The following ZNG1A variants were observed in gnomAD, a reference collection of about 807,000 sequenced individuals.
The protein encoded by ZNG1A is zinc-regulated GTPase metalloprotein activator 1A.
the ZNG1A span, chr9:177,942 T>C: frequency 2.3e-6 from 3 of 1,332,036 alleles, no homozygotes; most frequent in Non-Finnish European, 3.1e-6. Context: ...TATTTTTACA[T>C]AAAAGGTCAC....
the ZNG1A span, among the ~76,000 whole-genome samples, chr9:177,383 A>C: frequency 1.3e-5 from 2 of 152,068 alleles, no homozygotes; most frequent in African/African-American, 4.8e-5. Context: ...AGAGTATTCC[A>C]AATGGTTGGG....
chr9:176,303 CT>C, the ZNG1A span, among the ~76,000 whole-genome samples: 31 of 141,472 alleles, frequency 2.2e-4, no homozygotes, highest in Middle Eastern at 3.4e-3. Context: ...AAAAAATAGT[CT>C]TGTGAACCGT....
chr9:149,678 A>G, the ZNG1A span, among the ~76,000 whole-genome samples: 2 of 150,338 alleles, frequency 1.3e-5, no homozygotes, highest in Non-Finnish European at 2.9e-5. Context: ...TTTTTGCCTT[A>G]TCCATTGCTT....
At chr9:143,770 T>C in the ZNG1A span, among the ~76,000 whole-genome samples, 2 of 112,874 alleles carry the variant, frequency 1.8e-5, no homozygotes, top group African/African-American at 3.9e-5. Context: ...TGTTTGCAGA[T>C]GACATGATTG....
At chr9:125,257 A>T in the ZNG1A span, among the ~76,000 whole-genome samples, 1 of 150,694 alleles carries the variant, frequency 6.6e-6, no homozygotes, top group African/African-American at 2.5e-5. Flanking sequence ...TTCTTGCAGA[A>T]GTAAGGTGGT....
At chr9:173,628 G>C in the ZNG1A span, among the ~76,000 whole-genome samples, 25 of 151,900 alleles carry the variant, frequency 1.6e-4, no homozygotes, top group African/African-American at 5.8e-4. Context: ...CCTCTTACTT[G>C]GCCACCCCCA....
the ZNG1A span, among the ~76,000 whole-genome samples, chr9:178,411 G>A: frequency 6.7e-6 from 1 of 148,524 alleles, no homozygotes; most frequent in Non-Finnish European, 1.5e-5. Context: ...TTTTACAGAC[G>A]GGACATCCTT....
the ZNG1A span, among the ~76,000 whole-genome samples, chr9:168,466 C>T: frequency 6.6e-6 from 1 of 150,972 alleles, no homozygotes. Context: ...GTTGGCCAGG[C>T]TGGTCTTGAA....
At chr9:152,445 G>A in the ZNG1A span, among the ~76,000 whole-genome samples, 1 of 151,932 alleles carries the variant, frequency 6.6e-6, no homozygotes, top group African/African-American at 2.4e-5. Flanking sequence ...AAATTTTTAC[G>A]GTGGTCACTT....
At chr9:157,673 C>A in the ZNG1A span, among the ~76,000 whole-genome samples, 14 of 149,744 alleles carry the variant, frequency 9.3e-5, no homozygotes, top group East Asian at 2.5e-3. Context: ...ATTGAACACA[C>A]ACCCATCAAG....
chr9:174,102 G>A, the ZNG1A span, among the ~76,000 whole-genome samples: 9 of 149,382 alleles, frequency 6.0e-5, no homozygotes, highest in African/African-American at 2.2e-4. Context: ...ACCCGAGACT[G>A]CGCCACTGCA....
the ZNG1A span, among the ~76,000 whole-genome samples, chr9:124,888 C>G: frequency 6.6e-6 from 1 of 150,940 alleles, no homozygotes; most frequent in Admixed American, 6.6e-5. Flanking sequence ...CATTAATTCA[C>G]TCCTTTTTAT....
At chr9:125,431 A>C in the ZNG1A span, among the ~76,000 whole-genome samples, 1 of 146,492 alleles carries the variant, frequency 6.8e-6, no homozygotes, top group African/African-American at 2.5e-5. Flanking sequence ...GTTGGAGTTC[A>C]TTGTAGATTC....
the ZNG1A span, among the ~76,000 whole-genome samples, chr9:128,725 G>A: frequency 6.9e-6 from 1 of 144,850 alleles, no homozygotes; most frequent in South Asian, 2.1e-4. Flanking sequence ...TGAGCTAGTG[G>A]GATTTTTTGG....
chr9:163,194 T>A, the ZNG1A span, among the ~76,000 whole-genome samples: 1 of 152,212 alleles, frequency 6.6e-6, no homozygotes, highest in East Asian at 1.9e-4. Flanking sequence ...GAAAACATAG[T>A]CGCTTAACTA....
the ZNG1A span, among the ~76,000 whole-genome samples, chr9:135,707 CAGATGCT>C: frequency 8.7e-6 from 1 of 115,186 alleles, no homozygotes; most frequent in Non-Finnish European, 1.6e-5. Flanking sequence ...GAAAACCTTG[CAGATGCT>C]TTGCCTTGAA....
At chr9:153,588 T>C in the ZNG1A span, 1 of 151,628 alleles carries the variant, frequency 6.6e-6, no homozygotes, top group Non-Finnish European at 1.5e-5. Flanking sequence ...GATTCCAAGG[T>C]CTGTGATCTT....
chr9:170,369 G>C, the ZNG1A span, among the ~76,000 whole-genome samples: 1 of 147,510 alleles, frequency 6.8e-6, no homozygotes, highest in Non-Finnish European at 1.5e-5. Flanking sequence ...GTGTGTGTGT[G>C]TGTGTGTGCG....
chr9:176,009 T>C, the ZNG1A span, among the ~76,000 whole-genome samples: 1 of 150,212 alleles, frequency 6.7e-6, no homozygotes, highest in African/African-American at 2.5e-5. Flanking sequence ...CTCCTACAAG[T>C]TGAAACAGCT....
Sources: gnomAD v4.1 joint callset for allele counts (sites outside exome capture counted in the v4.1 genomes callset) on GRCh38, gnomAD v4.1.1 for gene constraint, MANE v1.5 for transcripts, NCBI Gene and HGNC (gene_info 2026-07-23, HGNC 2026-07-21) for gene names.